The following ZNRF1 variants were observed in gnomAD, a reference collection of about 807,000 sequenced individuals.
ZNRF1 encodes the protein E3 ubiquitin-protein ligase ZNRF1.
A neutral mutation model predicts 18.4 loss-of-function variants in ZNRF1; 3 were observed. The ratio of observed to expected loss-of-function variants is 0.16; its 90% CI spans 0.07 to 0.42. ZNRF1 has a LOEUF of 0.42. Among genes scored for constraint, ZNRF1 ranks in the 10% least tolerant of loss-of-function variants. The pLI is 0.99. For synonymous variants in ZNRF1, 157 were observed against 144.2 expected, an observed-to-expected ratio of 1.09 and a Z score of -0.64; for missense variants, 310 against 329.8, an observed-to-expected ratio of 0.94 and a Z score of 0.47.
rs565648808 is a variant in ZNRF1 at position 75,003,472 on chromosome 16, A to G, written c.424+3377A>G. ...CTCACTTAATCATCACTCTGACTCT[A>G]TGGAGTAAGACTGTTCTCTCCCACC... On this transcript the variant is annotated intron_variant, in intron 1 of 4. Transcript: ENST00000335325. Among the ~76,000 whole-genome samples the G allele has an allele frequency of 3.2e-4, 49 of 152,216 alleles. 1 individual carries two copies. Among genetic ancestry groups the G allele is most frequent in the Middle Eastern group, 3.4e-3 (1 of 294 alleles).
At position 75,110,878 on chromosome 16, in the gene ZNRF1, A is replaced by G. The variant is rs922030286; in HGVS notation, c.*3178A>G. The G allele has an allele frequency of 6.6e-6, 1 of 152,104 alleles. No homozygotes were observed. Among genetic ancestry groups the G allele is most frequent in the African/African-American group, 2.4e-5 (1 of 41,338 alleles). 9.4% of individuals were successfully genotyped at this position (152,104 alleles called of 1,614,324 possible). ...AGAGGGCTGTCTCGGTGATGAGCAC[A>G]CGCGTGCTGGGGTGGTTTGGGGAGA... On this transcript the variant is annotated 3_prime_UTR_variant, in exon 5 of 5. Coordinates refer to ENST00000335325, the MANE Select transcript of ZNRF1 (RefSeq NM_032268.5).
At chr16:75,097,090 G>T (rs2036209187) in intron 2 of ZNRF1, among the ~76,000 whole-genome samples, 2 of 152,144 alleles carry the variant, frequency 1.3e-5, no homozygotes, top group African/African-American at 2.4e-5. Context: ...GTTTTTGTGG[G>T]TAAGATGGAT....
intron 1 of ZNRF1, among the ~76,000 whole-genome samples, chr16:75,051,532 G>GGC (rs1555511972): frequency 3.5e-5 from 5 of 144,272 alleles, no homozygotes; most frequent in East Asian, 2.1e-4. Context: ...TTTTTTTTTT[G>GGC]GGGGGGACGG....
At chr16:75,060,201 G>A (rs1463506392) in intron 1 of ZNRF1, among the ~76,000 whole-genome samples, 2 of 150,876 alleles carry the variant, frequency 1.3e-5, no homozygotes, top group African/African-American at 2.4e-5. Context: ...CTACAGGCGC[G>A]CATCACCACA....
At chr16:75,004,330 G>A (rs1432454921) in intron 1 of ZNRF1, among the ~76,000 whole-genome samples, 2 of 152,296 alleles carry the variant, frequency 1.3e-5, no homozygotes, top group African/African-American at 2.4e-5. Context: ...CCTGATGGCT[G>A]CCTCGGTGCT....
intron 1 of ZNRF1, among the ~76,000 whole-genome samples, chr16:75,042,880 C>A (rs1432759168): frequency 6.6e-6 from 1 of 152,176 alleles, no homozygotes; most frequent in African/African-American, 2.4e-5. Context: ...CGAAGGCCTG[C>A]TGTACACCAA....
chr16:75,064,981 A>C lies in ZNRF1; in HGVS notation c.425-28591A>C, dbSNP rs568037506. On this transcript the variant is annotated intron_variant, in intron 1 of 4. Transcript: ENST00000335325. ...CATGGGGTTGCAAACCTGGTCCTGCAGGAATGTAGAATGGGTGTATCTCAC... is the reference window on the plus strand; with the variant it reads ...CATGGGGTTGCAAACCTGGTCCTGCCGGAATGTAGAATGGGTGTATCTCAC... Among the ~76,000 whole-genome samples, 106 of 152,344 alleles carry C rather than the reference A, an allele frequency of 7.0e-4. 1 individual carries two copies. In the South Asian group the frequency reaches 9.3e-3, roughly 13 times the overall value.
intron 1 of ZNRF1, among the ~76,000 whole-genome samples, chr16:75,036,229 C>G (rs539399586): frequency 6.6e-6 from 1 of 152,198 alleles, no homozygotes. Context: ...TGCCATCACA[C>G]CTAGCTAATT....
chr16:75,075,464 G>A (rs907312811), intron 1 of ZNRF1, among the ~76,000 whole-genome samples: 2 of 152,216 alleles, frequency 1.3e-5, no homozygotes, highest in Non-Finnish European at 1.5e-5. Context: ...CCCTCGCTGT[G>A]GTATGGCAGT....
At chr16:75,096,735 A>G (rs2036204508) in intron 2 of ZNRF1, among the ~76,000 whole-genome samples, 1 of 152,218 alleles carries the variant, frequency 6.6e-6, no homozygotes, top group African/African-American at 2.4e-5. Flanking sequence ...GTTAACCACT[A>G]AAGGAAAAAA....
rs142902939 is a variant in ZNRF1 at position 75,044,284 on chromosome 16, G to C, written c.424+44189G>C. Among the ~76,000 whole-genome samples, 166 of 152,152 alleles carry C rather than the reference G, an allele frequency of 1.1e-3. 1 individual carries two copies. The highest frequency in any genetic ancestry group is 3.9e-3 in the African/African-American group (161 of 41,530). ...TCTCTCTGTTGCCCAGGCTAGAATTGCACAGCTTACTGCAACCTCTGCCTC... is the reference window on the plus strand; with the variant it reads ...TCTCTCTGTTGCCCAGGCTAGAATTCCACAGCTTACTGCAACCTCTGCCTC... On this transcript the variant is annotated intron_variant, in intron 1 of 4. Transcript: ENST00000335325.
chr16:75,023,303 C>A (rs2035177953), intron 1 of ZNRF1, among the ~76,000 whole-genome samples: 1 of 152,166 alleles, frequency 6.6e-6, no homozygotes, highest in Non-Finnish European at 1.5e-5. Context: ...CCTTCCCCTA[C>A]CTTACCCCCC....
chr16:75,093,112 C>T (rs2036158797), intron 1 of ZNRF1, among the ~76,000 whole-genome samples: 1 of 152,176 alleles, frequency 6.6e-6, no homozygotes, highest in African/African-American at 2.4e-5. Flanking sequence ...CCACCGGGCG[C>T]GGTGGCTCAT....
chr16:75,103,377 C>T (rs1471555785), intron 2 of ZNRF1, among the ~76,000 whole-genome samples: 4 of 152,094 alleles, frequency 2.6e-5, no homozygotes, highest in African/African-American at 9.7e-5. Flanking sequence ...ATTCACAACC[C>T]CCATCTTTAT....
At chr16:75,036,853 T>C (rs2035382424) in intron 1 of ZNRF1, among the ~76,000 whole-genome samples, 1 of 152,238 alleles carries the variant, frequency 6.6e-6, no homozygotes, top group Non-Finnish European at 1.5e-5. Context: ...TGTGATTTCA[T>C]TTCTTTATTA....
intron 1 of ZNRF1, among the ~76,000 whole-genome samples, chr16:75,054,992 C>A (rs1162982979): frequency 1.3e-5 from 2 of 152,208 alleles, no homozygotes; most frequent in African/African-American, 4.8e-5. Flanking sequence ...CCTAATGAAA[C>A]TGTTACTGTG....
chr16:75,098,089 G>A (rs1299528563), intron 2 of ZNRF1, among the ~76,000 whole-genome samples: 4 of 152,226 alleles, frequency 2.6e-5, no homozygotes, highest in African/African-American at 7.2e-5. Flanking sequence ...ACAGGCTGGA[G>A]TCAGACTGCG....
In ZNRF1 at chr16:75,050,664, C is replaced by T. The variant is rs563010977; in HGVS notation, c.425-42908C>T. Among the ~76,000 whole-genome samples, 237 of 151,214 alleles carry T rather than the reference C, an allele frequency of 1.6e-3. 2 individuals are homozygous for T. The highest frequency in any genetic ancestry group is 5.2e-3 in the African/African-American group (215 of 41,174). ...CGGGCGGATCACGAGGTCAGGAGAT[C>T]GAGACCATCCTGGCTAACACGGTGA... On this transcript the variant is annotated intron_variant, in intron 1 of 4. Coordinates refer to ENST00000335325, the MANE Select transcript of ZNRF1 (RefSeq NM_032268.5).
At chr16:75,072,030 C>T (rs1005734110) in intron 1 of ZNRF1, among the ~76,000 whole-genome samples, 8 of 152,122 alleles carry the variant, frequency 5.3e-5, no homozygotes, top group African/African-American at 1.9e-4. Flanking sequence ...CCTCAACCTC[C>T]TGAGCTCAAT....
Sources: allele counts gnomAD v4.1 joint callset (sites outside exome capture counted in the v4.1 genomes callset), GRCh38; gene constraint gnomAD v4.1.1; transcripts MANE v1.5; gene names NCBI Gene and HGNC (gene_info 2026-07-23, HGNC 2026-07-21).